The following KCNK10 variants were observed in gnomAD, a reference collection of about 807,000 sequenced individuals.
The protein encoded by KCNK10 is potassium two pore domain channel subfamily K member 10.
A neutral mutation model predicts 47.7 loss-of-function variants in KCNK10; 25 were observed. That is an observed-to-expected ratio of 0.52 (90% CI 0.38 to 0.73). The LOEUF (loss-of-function observed/expected upper bound fraction) is 0.73, where lower values mean the gene tolerates loss of function less well. KCNK10 is among the 30% of genes least tolerant of loss of function. KCNK10 has a pLI of 0.00. For synonymous variants in KCNK10, 303 were observed against 285.6 expected, an observed-to-expected ratio of 1.06 and a Z score of -0.61; for missense variants, 563 against 714.5, an observed-to-expected ratio of 0.79 and a Z score of 2.42.
chr14:88,197,573 A>G (rs946460915), intron 4 of KCNK10, among the ~76,000 whole-genome samples: 2 of 48,574 alleles, frequency 4.1e-5, no homozygotes, highest in Non-Finnish European at 7.2e-5. Flanking sequence ...GACTCCGACT[A>G]AAAAAAAAAA....
chr14:88,193,156 G>A (rs1372181446), intron 4 of KCNK10, among the ~76,000 whole-genome samples: 1 of 152,180 alleles, frequency 6.6e-6, no homozygotes, highest in Non-Finnish European at 1.5e-5. Flanking sequence ...ATGGGTAGTA[G>A]GACGACAATT....
At chr14:88,225,627 C>G (rs1218386883) in intron 4 of KCNK10, among the ~76,000 whole-genome samples, 1 of 152,184 alleles carries the variant, frequency 6.6e-6, no homozygotes, top group Non-Finnish European at 1.5e-5. Flanking sequence ...ATTTCAAAAA[C>G]TTTTAGTCCA....
intron 4 of KCNK10, among the ~76,000 whole-genome samples, chr14:88,213,915 T>C (rs1300083654): frequency 8.8e-6 from 1 of 113,150 alleles, no homozygotes; most frequent in Non-Finnish European, 1.9e-5. Context: ...GCTCTTTTTA[T>C]TTTACTTTAT....
At chr14:88,264,974 C>T (rs1042198396) in intron 1 of KCNK10, among the ~76,000 whole-genome samples, 1 of 152,186 alleles carries the variant, frequency 6.6e-6, no homozygotes, top group Non-Finnish European at 1.5e-5. Context: ...TATTTCATCC[C>T]TTGGGCCTTT....
upstream of KCNK10, among the ~76,000 whole-genome samples, chr14:88,324,786 A>G (rs12893601): frequency 0.39 from 60,027 of 152,030 alleles, 12,198 homozygotes; most frequent in Middle Eastern, 0.5. Flanking sequence ...GGGGAGCCCT[A>G]TGTCAGCAGC....
chr14:88,315,435 A>G (rs1888411041), intron 1 of KCNK10, among the ~76,000 whole-genome samples: 1 of 152,216 alleles, frequency 6.6e-6, no homozygotes, highest in Admixed American at 6.5e-5. Context: ...TTTGTCTCAG[A>G]GGACGAAGTA....
chr14:88,247,706 A>G (rs1227405416), intron 2 of KCNK10, among the ~76,000 whole-genome samples: 1 of 152,220 alleles, frequency 6.6e-6, no homozygotes, highest in Non-Finnish European at 1.5e-5. Context: ...GGTCTTAGAC[A>G]CGCTAGCTTT....
Position 88,181,052 on chromosome 14 carries a change from T to C in KCNK10, c.*4483A>G, listed in dbSNP as rs1229319415. 3 of 385,630 alleles carry C rather than the reference T, an allele frequency of 7.8e-6. No homozygotes were observed. Among genetic ancestry groups the C allele is most frequent in the Non-Finnish European group, 9.2e-6 (2 of 218,410 alleles). 23.9% of individuals were successfully genotyped at this position (385,630 alleles called of 1,614,324 possible). ...ATTAGCAAAATGCAACAAGCAGAGATGTGGAATGCAACACTGGCTGGTTTT... is the reference window on the plus strand; with the variant it reads ...ATTAGCAAAATGCAACAAGCAGAGACGTGGAATGCAACACTGGCTGGTTTT... On this transcript the variant is annotated 3_prime_UTR_variant, in exon 7 of 7. Transcript: ENST00000319231.
At position 88,181,239 on chromosome 14, in the gene KCNK10, C is replaced by G. The variant is rs1566673583; in HGVS notation, c.*4296G>C. ...GTCACCTTCTCACTAGTCCTCAGAA[C>G]CCAGCATGCAAATAGACAGGCAGCA... On this transcript the variant is annotated 3_prime_UTR_variant, in exon 7 of 7. Coordinates refer to ENST00000319231, the MANE Select transcript of KCNK10 (RefSeq NM_138317.3). 6.2e-6 allele frequency: 1 copy of G among 162,380 alleles called. No individual in the cohort carries two copies. Among genetic ancestry groups the G allele is most frequent in the Non-Finnish European group, 1.3e-5 (1 of 74,882 alleles). The allele number at this position is 162,380 out of a possible 1,614,324, so 10.1% of individuals were successfully genotyped here. A position where few individuals can be genotyped will look rare whatever the true frequency, so the allele number is the denominator to read the frequency against.
At chr14:88,309,205 A>G (rs1049738934) in intron 1 of KCNK10, among the ~76,000 whole-genome samples, 1 of 152,236 alleles carries the variant, frequency 6.6e-6, no homozygotes, top group African/African-American at 2.4e-5. Context: ...TGCTGCAGAC[A>G]TAGAGAATTT....
upstream of KCNK10, among the ~76,000 whole-genome samples, chr14:88,325,016 G>A (rs1020118146): frequency 6.6e-6 from 1 of 152,120 alleles, no homozygotes; most frequent in Non-Finnish European, 1.5e-5. Flanking sequence ...CTTTAGGCAG[G>A]TTCCCGGGTG....
Position 88,192,025 on chromosome 14 carries a change from T to C in KCNK10, c.868+199A>G, listed in dbSNP as rs111915010. ...CCTGAGAAGGAAAGGGTTGGCTTTC[T>C]TTTCATAGCAGAAAAAAACCTATGG... On this transcript the variant is annotated intron_variant, in intron 5 of 6. Coordinates refer to ENST00000319231, the MANE Select transcript of KCNK10 (RefSeq NM_138317.3). 1.7e-3 allele frequency among the ~76,000 whole-genome samples: 254 copies of C among 152,342 alleles called. 2 individuals are homozygous for C. The highest frequency in any genetic ancestry group is 5.8e-3 in the African/African-American group (240 of 41,570).
intron 5 of KCNK10, among the ~76,000 whole-genome samples, chr14:88,188,729 C>T (rs74074266): frequency 2.2e-4 from 34 of 152,280 alleles, no homozygotes; most frequent in African/African-American, 8.2e-4. Context: ...TAAACTAGAA[C>T]TAAAAGGGAC....
At chr14:88,240,250 G>A (rs1324319355) in intron 3 of KCNK10, among the ~76,000 whole-genome samples, 3 of 152,176 alleles carry the variant, frequency 2.0e-5, no homozygotes, top group Admixed American at 2.0e-4. Context: ...TAAAGACATG[G>A]GGATGAGTGT....
intron 3 of KCNK10, among the ~76,000 whole-genome samples, chr14:88,236,958 A>G (rs1372112731): frequency 2.6e-5 from 4 of 152,212 alleles, no homozygotes; most frequent in African/African-American, 4.8e-5. Flanking sequence ...AAATAAGACA[A>G]CAAAGAAGTT....
At chr14:88,247,154 T>C (rs4904438) in intron 2 of KCNK10, among the ~76,000 whole-genome samples, 101,281 of 152,038 alleles carry the variant, frequency 0.67, 34,241 homozygotes, top group African/African-American at 0.79. Context: ...TTCTCTCTAC[T>C]TTGAGTTCTT....
At chr14:88,261,522 G>C (rs911890556) in intron 2 of KCNK10, among the ~76,000 whole-genome samples, 1 of 152,182 alleles carries the variant, frequency 6.6e-6, no homozygotes, top group Non-Finnish European at 1.5e-5. Context: ...GGAGGCCAAG[G>C]CGGGTTGATT....
intron 1 of KCNK10, among the ~76,000 whole-genome samples, chr14:88,276,845 C>CA (rs1466847762): frequency 6.6e-6 from 1 of 152,280 alleles, no homozygotes; most frequent in Non-Finnish European, 1.5e-5. Context: ...TGCTCAGCTA[C>CA]AGCTGTCATG....
At chr14:88,285,368 T>C (rs1887738256) in intron 1 of KCNK10, among the ~76,000 whole-genome samples, 1 of 152,204 alleles carries the variant, frequency 6.6e-6, no homozygotes, top group Non-Finnish European at 1.5e-5. Flanking sequence ...CACCTCAGCC[T>C]CCCAAAGTGC....
Sources: gnomAD v4.1 joint callset for allele counts (sites outside exome capture counted in the v4.1 genomes callset) on GRCh38, gnomAD v4.1.1 for gene constraint, MANE v1.5 for transcripts, NCBI Gene and HGNC (gene_info 2026-07-23, HGNC 2026-07-21) for gene names.